SYNDIG1: variants seen among roughly 807,000 people sequenced by gnomAD.
SYNDIG1 encodes synapse differentiation-inducing gene protein 1.
A neutral mutation model predicts 19.4 loss-of-function variants in SYNDIG1; 9 were observed. The observed-to-expected ratio is 0.46, with a 90% CI of 0.28 to 0.81. The LOEUF is 0.81. Ranked by LOEUF, SYNDIG1 falls within the 30% of genes least tolerant of loss-of-function variation. The pLI is 0.12. For synonymous variants in SYNDIG1, 141 were observed against 145.9 expected, an observed-to-expected ratio of 0.97 and a Z score of 0.24; for missense variants, 311 against 343.3, an observed-to-expected ratio of 0.91 and a Z score of 0.74.
At chr20:24,662,504 T>A (rs1283424068) in intron 3 of SYNDIG1, among the ~76,000 whole-genome samples, 1 of 152,132 alleles carries the variant, frequency 6.6e-6, no homozygotes, top group East Asian at 1.9e-4. Context: ...GCCCTGCCGA[T>A]GGAGCCCAGC....
intron 1 of SYNDIG1, among the ~76,000 whole-genome samples, chr20:24,473,609 G>T (rs750096886): frequency 6.6e-6 from 1 of 152,118 alleles, no homozygotes; most frequent in Non-Finnish European, 1.5e-5. Flanking sequence ...CACGGGGAGT[G>T]GGGGAGGGAC....
chr20:24,559,658 G>C (rs1057036292), intron 2 of SYNDIG1, among the ~76,000 whole-genome samples: 1 of 152,134 alleles, frequency 6.6e-6, no homozygotes, highest in African/African-American at 2.4e-5. Context: ...TGTAAGACAG[G>C]TCTGCTAGGA....
chr20:24,598,149 C>T (rs1044579492), intron 3 of SYNDIG1, among the ~76,000 whole-genome samples: 4 of 152,130 alleles, frequency 2.6e-5, no homozygotes, highest in African/African-American at 9.7e-5. Context: ...CTCTGTTGAG[C>T]CAAGAAATGC....
At chr20:24,599,560 T>G (rs1390417710) in intron 3 of SYNDIG1, among the ~76,000 whole-genome samples, 1 of 152,184 alleles carries the variant, frequency 6.6e-6, no homozygotes, top group Non-Finnish European at 1.5e-5. Context: ...TTGTTCACAA[T>G]GGCAAAAATA....
intron 1 of SYNDIG1, among the ~76,000 whole-genome samples, chr20:24,503,052 C>T (rs1438181271): frequency 6.6e-6 from 1 of 152,178 alleles, no homozygotes. Flanking sequence ...ATCTGGGATG[C>T]GTGAATGGAC....
chr20:24,612,213 A>G (rs1408209672), intron 3 of SYNDIG1, among the ~76,000 whole-genome samples: 2 of 152,242 alleles, frequency 1.3e-5, no homozygotes, highest in African/African-American at 2.4e-5. Flanking sequence ...GACGCCTCCC[A>G]AGACTTTTCT....
chr20:24,567,822 C>T (rs1162164136), intron 2 of SYNDIG1, among the ~76,000 whole-genome samples: 1 of 152,182 alleles, frequency 6.6e-6, no homozygotes, highest in Admixed American at 6.5e-5. Flanking sequence ...ACCATCCTCT[C>T]CACTGTGTCT....
chr20:24,504,369 A>G (rs1220116210), intron 1 of SYNDIG1, among the ~76,000 whole-genome samples: 2 of 152,200 alleles, frequency 1.3e-5, no homozygotes, highest in Non-Finnish European at 2.9e-5. Context: ...GAAGTCGCAC[A>G]TAATAAAGAG....
intron 1 of SYNDIG1, among the ~76,000 whole-genome samples, chr20:24,508,037 TC>T (rs199944693): frequency 0.018 from 2,696 of 152,170 alleles, 52 homozygotes; most frequent in Non-Finnish European, 0.024. Context: ...GAAGAAGTGT[TC>T]TGGATCTCCC....
chr20:24,543,537 C>A lies in SYNDIG1; in HGVS notation c.440C>A (p.Ser147Tyr). The stretch of plus-strand genomic sequence containing the variant: ...GATGACATAAAAATCCACACCCTGT[C>A]CTACGATGTGGAGGAGGAGGAGGAG... ...SADDIKIHTL[S>Y]YDVEEEEEFQ... is the part of the protein sequence containing the mutation. Residue 147 changes from serine to tyrosine, a missense_variant, in exon 2 of 4, where the codon TCC becomes TAC. Transcript: ENST00000376862. 6.2e-7 allele frequency: 1 copy of A among 1,605,416 alleles called. No individual in the cohort carries two copies.
intron 3 of SYNDIG1, among the ~76,000 whole-genome samples, chr20:24,653,745 C>T (rs1022760030): frequency 6.6e-6 from 1 of 152,212 alleles, no homozygotes; most frequent in South Asian, 2.1e-4. Flanking sequence ...TTAACTCTGT[C>T]AGCTCTGGAG....
chr20:24,662,256 G>A (rs1262185626), intron 3 of SYNDIG1, among the ~76,000 whole-genome samples: 1 of 151,784 alleles, frequency 6.6e-6, no homozygotes, highest in African/African-American at 2.4e-5. Context: ...TTGAGGGACA[G>A]GAAGGGGGTG....
At chr20:24,614,049 C>T (rs1157236468) in intron 3 of SYNDIG1, among the ~76,000 whole-genome samples, 1 of 152,230 alleles carries the variant, frequency 6.6e-6, no homozygotes, top group African/African-American at 2.4e-5. Flanking sequence ...GGTTGGAGTG[C>T]AATGGCACTA....
At chr20:24,493,878 C>A (rs929857664) in intron 1 of SYNDIG1, among the ~76,000 whole-genome samples, 3 of 152,116 alleles carry the variant, frequency 2.0e-5, no homozygotes, top group African/African-American at 7.2e-5. Flanking sequence ...TGGCCAAGCT[C>A]AGTAGGTAGT....
chr20:24,531,835 T>C (rs538691057), intron 1 of SYNDIG1, among the ~76,000 whole-genome samples: 22 of 152,370 alleles, frequency 1.4e-4, no homozygotes, highest in Non-Finnish European at 1.5e-5. Flanking sequence ...CTTCTGCGTG[T>C]GCTGGTTTAT....
intron 1 of SYNDIG1, among the ~76,000 whole-genome samples, chr20:24,480,549 A>G (rs2055768131): frequency 6.6e-6 from 1 of 152,248 alleles, no homozygotes; most frequent in Non-Finnish European, 1.5e-5. Context: ...CGTAGTTGCT[A>G]TGGAAAATAG....
At chr20:24,484,979 T>G (rs1039159284) in intron 1 of SYNDIG1, among the ~76,000 whole-genome samples, 1 of 152,210 alleles carries the variant, frequency 6.6e-6, no homozygotes, top group African/African-American at 2.4e-5. Context: ...TCCTTGAGAC[T>G]GGATTAGCGC....
At chr20:24,530,033 G>A in intron 1 of SYNDIG1, among the ~76,000 whole-genome samples, 1 of 79,972 alleles carries the variant, frequency 1.3e-5, no homozygotes, top group Non-Finnish European at 2.7e-5. Context: ...TCGTGGTGAT[G>A]GTGGTAATGG....
intron 2 of SYNDIG1, 107 bp downstream of exon 2, chr20:24,543,684 G>T: frequency 1.4e-6 from 2 of 1,471,480 alleles, no homozygotes; most frequent in African/African-American, 1.4e-5. Context: ...AAACTAGTGT[G>T]CAAAAATGCA....
Sources: gnomAD v4.1 joint callset for allele counts (sites outside exome capture counted in the v4.1 genomes callset) on GRCh38, gnomAD v4.1.1 for gene constraint, MANE v1.5 for transcripts, NCBI Gene and HGNC (gene_info 2026-07-23, HGNC 2026-07-21) for gene names.